PCDHA1: variants seen among roughly 807,000 people sequenced by gnomAD.
PCDHA1 encodes protocadherin alpha-1.
PCDHA1 carries 42 observed loss-of-function variants against 61.3 expected under a neutral mutation model. The observed-to-expected ratio is 0.69, with a 90% CI of 0.54 to 0.89. The LOEUF (loss-of-function observed/expected upper bound fraction) is 0.89. Ranked by LOEUF, PCDHA1 falls within the 40% of genes least tolerant of loss-of-function variation. The pLI, the probability that PCDHA1 is intolerant of heterozygous loss-of-function variation, is 0.00. For synonymous variants in PCDHA1, 610 were observed against 553.8 expected (o/e 1.10, Z -1.43); for missense variants, 1,256 against 1,235.3 (o/e 1.02, Z -0.25).
In PCDHA1 at chr5:140,832,659, T is replaced by A. The variant is rs1044025424; in HGVS notation, c.2394+43975T>A. On this transcript the variant is annotated intron_variant, in intron 1 of 3. Transcript: ENST00000504120. ...AGGAGGGTCTTTAAGAGTATCACAC[T>A]GTGCCTGCTGAGAATCATCGAATTA... 3.9e-5 allele frequency among the ~76,000 whole-genome samples: 6 copies of A among 152,316 alleles called. No homozygotes were observed. The South Asian group carries it at 1.0e-3, about 26-fold the overall frequency.
intron 1 of PCDHA1, among the ~76,000 whole-genome samples, chr5:140,940,147 GT>G (rs1459512201): frequency 6.6e-6 from 1 of 152,082 alleles, no homozygotes; most frequent in African/African-American, 2.4e-5. Flanking sequence ...AACTATTATA[GT>G]TTTTGTTTGC....
chr5:140,789,493 CA>C (rs1283490269), intron 1 of PCDHA1, among the ~76,000 whole-genome samples: 1 of 151,870 alleles, frequency 6.6e-6, no homozygotes, highest in Non-Finnish European at 1.5e-5. Flanking sequence ...ACCAAACAAA[CA>C]AAAAACACCA....
At chr5:140,849,934 G>C (rs2150458402) in intron 1 of PCDHA1, 4 of 1,598,054 alleles carry the variant, frequency 2.5e-6, no homozygotes, top group Non-Finnish European at 3.4e-6. Flanking sequence ...GTGTCTGCGC[G>C]GGACGCTGAC....
At chr5:140,842,084 G>T in intron 1 of PCDHA1, 1 of 1,613,876 alleles carries the variant, frequency 6.2e-7, no homozygotes, top group South Asian at 1.1e-5. Flanking sequence ...ATTCGAAAAC[G>T]CAGACAACGG....
At chr5:140,888,956 G>T (rs1043287613) in intron 1 of PCDHA1, among the ~76,000 whole-genome samples, 2 of 151,722 alleles carry the variant, frequency 1.3e-5, no homozygotes, top group Non-Finnish European at 2.9e-5. Flanking sequence ...TTTTTCTTTG[G>T]CAATGTTAAT....
chr5:140,993,532 A>C (rs1159592677), intron 3 of PCDHA1, among the ~76,000 whole-genome samples: 1 of 151,984 alleles, frequency 6.6e-6, no homozygotes, highest in African/African-American at 2.4e-5. Flanking sequence ...ACAGAGAGAG[A>C]GAGAGATAGA....
chr5:140,883,445 G>A, intron 1 of PCDHA1: 1 of 1,614,164 alleles, frequency 6.2e-7, no homozygotes, highest in South Asian at 1.1e-5. Flanking sequence ...GACGCCGCAT[G>A]TCCCCTTCAA....
intron 1 of PCDHA1, among the ~76,000 whole-genome samples, chr5:140,806,777 C>T (rs1364833284): frequency 1.3e-5 from 2 of 152,176 alleles, no homozygotes; most frequent in Non-Finnish European, 1.5e-5. Context: ...TACTTAAAAC[C>T]TGTGTTGAAA....
At chr5:140,801,082 T>C in intron 1 of PCDHA1, 1 of 1,485,270 alleles carries the variant, frequency 6.7e-7, no homozygotes, top group Non-Finnish European at 8.9e-7. Context: ...ACTGCTTTGC[T>C]TCATCCTCTC....
At chr5:140,862,533 G>C in intron 1 of PCDHA1, 1 of 435,668 alleles carries the variant, frequency 2.3e-6, no homozygotes, top group Non-Finnish European at 4.6e-6. Context: ...ACAGCCATCG[G>C]GTCCGTGGAA....
At chr5:140,845,060 C>A in intron 1 of PCDHA1, among the ~76,000 whole-genome samples, 1 of 149,380 alleles carries the variant, frequency 6.7e-6, no homozygotes, top group Non-Finnish European at 1.5e-5. Flanking sequence ...TGAAGGTAAC[C>A]TCAAAGCAGC....
At chr5:140,797,134 T>A in intron 1 of PCDHA1, 1 of 1,613,948 alleles carries the variant, frequency 6.2e-7, no homozygotes, top group Non-Finnish European at 8.5e-7. Context: ...GCTGCGGTGC[T>A]CGGTGCCACC....
intron 1 of PCDHA1, among the ~76,000 whole-genome samples, chr5:140,970,659 T>C (rs1243959173): frequency 4.6e-5 from 7 of 152,238 alleles, no homozygotes; most frequent in Non-Finnish European, 2.9e-5. Context: ...AATTGTTATC[T>C]TTCCAAATAA....
In PCDHA1 at chr5:140,787,248, G is replaced by A. The variant is rs782596487; in HGVS notation, c.958G>A (p.Val320Ile). 6.8e-6 allele frequency: 11 copies of A among 1,614,204 alleles called. No individual in the cohort carries two copies. The highest frequency in any genetic ancestry group is 8.5e-6 in the Non-Finnish European group (10 of 1,180,040). ...YEETKSYEIQ[V>I]KAVDKGSPPM... is the part of the protein sequence containing the mutation. Reference sequence around the variant, plus strand: ...AGAAACAAAATCCTACGAAATTCAAGTAAAGGCAGTTGATAAAGGAAGTCC... The same window carrying A: ...AGAAACAAAATCCTACGAAATTCAAATAAAGGCAGTTGATAAAGGAAGTCC... Residue 320 changes from valine (V) to isoleucine (I), a missense_variant, in exon 1 of 4, where the codon GTA becomes ATA. Val to Ile is a conservative substitution (Grantham distance 29). Transcript: ENST00000504120.
intron 1 of PCDHA1, chr5:140,881,297 C>T: frequency 4.3e-6 from 4 of 940,924 alleles, no homozygotes; most frequent in Non-Finnish European, 5.1e-6. Flanking sequence ...AAAATGGAAA[C>T]TTTAACCTCC....
intron 1 of PCDHA1, among the ~76,000 whole-genome samples, chr5:140,817,811 A>G (rs2150099228): frequency 6.6e-6 from 1 of 152,152 alleles, no homozygotes; most frequent in African/African-American, 2.4e-5. Flanking sequence ...TTACGTTTTT[A>G]TATATCTGGA....
At chr5:140,959,624 AAAAG>A (rs2095502972) in intron 1 of PCDHA1, among the ~76,000 whole-genome samples, 1 of 152,220 alleles carries the variant, frequency 6.6e-6, no homozygotes, top group Non-Finnish European at 1.5e-5. Context: ...GTGATAGAAA[AAAAG>A]AGAGAAAAAA....
intron 1 of PCDHA1, chr5:140,869,914 G>A (rs782742972): frequency 6.2e-7 from 1 of 1,611,078 alleles, no homozygotes; most frequent in South Asian, 1.1e-5. Context: ...AGACCGAGAC[G>A]AAGGAGTCAA....
In PCDHA1 at chr5:140,904,903, A is replaced by G. The variant is rs568713418; in HGVS notation, c.2395-74046A>G. On this transcript the variant is annotated intron_variant, in intron 1 of 3. Transcript: ENST00000504120. ...CTTTTTGATGGGATTTGTTTTTCTT[A>G]CTGATTTGTTTGACTTCCTTGTAGG... 9.4e-4 allele frequency among the ~76,000 whole-genome samples: 142 copies of G among 151,862 alleles called. 2 individuals carry two copies. The highest frequency in any genetic ancestry group is 2.9e-3 in the African/African-American group (122 of 41,438).
Sources: gnomAD v4.1 joint callset for allele counts (sites outside exome capture counted in the v4.1 genomes callset) on GRCh38, gnomAD v4.1.1 for gene constraint, MANE v1.5 for transcripts, NCBI Gene and HGNC (gene_info 2026-07-23, HGNC 2026-07-21) for gene names.